KIAA1143: variants seen among roughly 807,000 people sequenced by gnomAD.
KIAA1143 encodes the protein uncharacterized protein KIAA1143.
Under a neutral mutation model 17.0 loss-of-function variants are expected in KIAA1143, and 8 were observed. That is an observed-to-expected ratio of 0.47 (90% confidence interval 0.28 to 0.85). KIAA1143 has a LOEUF of 0.85. Among genes scored for constraint, KIAA1143 ranks in the 40% least tolerant of loss-of-function variants. KIAA1143 has a pLI of 0.12. For missense variants in KIAA1143, 162 were observed against 183.3 expected (o/e 0.88, Z 0.67); for synonymous variants, 64 against 67.8 (o/e 0.94, Z 0.27).
In KIAA1143 at chr3:44,754,318, T is replaced by C. The variant is rs1384099034; in HGVS notation, c.159A>G (p.Glu53=). The C allele has an allele frequency of 6.2e-7, 1 of 1,613,946 alleles. No individual in the cohort carries two copies. Among genetic ancestry groups the C allele is most frequent in the South Asian group, 1.1e-5 (1 of 91,086 alleles). Residue 53 remains glutamate (E), a synonymous_variant, in exon 2 of 3, where the codon GAA becomes GAG. Coordinates refer to ENST00000296121, the MANE Select transcript of KIAA1143 (RefSeq NM_020696.4). ...AAACCACCACTTGAGGCTGTTCATC[T>C]TCTTTGTCACTGTGATCCCCATCTT... is the stretch of plus-strand genomic sequence containing the variant. The part of the protein sequence containing the change: ...PDEDGDHSDK[E]DEQPQVVVLK...
Position 44,751,726 on chromosome 3 carries a change from C to G in KIAA1143, c.*1615G>C, listed in dbSNP as rs1257072175. 1 of 152,162 alleles carries G rather than the reference C, an allele frequency of 6.6e-6. No individual in the cohort carries two copies. The highest frequency in any genetic ancestry group is 1.9e-4 in the East Asian group (1 of 5,192). 9.4% of individuals were successfully genotyped at this position (152,162 alleles called of 1,614,324 possible). A position where few individuals can be genotyped will look rare whatever the true frequency, so the allele number is the denominator to read the frequency against. Reference sequence around the variant, plus strand: ...GGTTTTTGGACCATATCTGTTAAATCTTTTAACCAAATCCATTTCCTTTTG... The same window carrying G: ...GGTTTTTGGACCATATCTGTTAAATGTTTTAACCAAATCCATTTCCTTTTG... On this transcript the variant is annotated 3_prime_UTR_variant, in exon 3 of 3. Transcript: ENST00000296121.
intron 1 of KIAA1143, among the ~76,000 whole-genome samples, chr3:44,758,222 T>C (rs1268530233): frequency 6.6e-6 from 1 of 152,216 alleles, no homozygotes; most frequent in Non-Finnish European, 1.5e-5. Context: ...GGATGTTGAC[T>C]GATGAGGGTG....
In KIAA1143 at chr3:44,761,580, G is replaced by A. The variant is rs1010677460; in HGVS notation, c.23C>T (p.Ser8Leu). 1.9e-6 allele frequency: 3 copies of A among 1,612,814 alleles called. No homozygotes were observed. Among genetic ancestry groups the A allele is most frequent in the Non-Finnish European group, 2.5e-6 (3 of 1,179,902 alleles). ...CGCCGGCTCGGCTGGCCGCACGTAC[G>A]ATACCTGGTTCCGCTTGCTCATGGT... MSKRNQVSYVRPAEPAFL... is the reference protein window; with the variant it reads MSKRNQVLYVRPAEPAFL... The change falls in exon 1 of 3, where the codon TCG becomes TTG. Residue 8 changes from serine to leucine, a missense_variant. This residue lies in a region of KIAA1143 where 137 missense variants were observed against 132.5 expected (regional missense o/e 1.03). Coordinates refer to ENST00000296121, the MANE Select transcript of KIAA1143 (RefSeq NM_020696.4).
At position 44,754,380 on chromosome 3, in the gene KIAA1143, CACAAAT is replaced by C; in HGVS notation, c.109-18_109-13del. 1.2e-6 allele frequency: 2 copies of C among 1,613,094 alleles called. No individual in the cohort carries two copies. The highest frequency in any genetic ancestry group is 1.7e-6 in the Non-Finnish European group (2 of 1,179,286). On this transcript the variant is annotated splice_polypyrimidine_tract_variant and intron_variant, in intron 1 of 2. Coordinates refer to ENST00000296121, the MANE Select transcript of KIAA1143 (RefSeq NM_020696.4). Reference sequence around the variant, plus strand: ...TGAGGCTGAATTCTCTAGGGAAAAACACAAATACAATGTGTAGATCACTGATCTTGA... The same window carrying C: ...TGAGGCTGAATTCTCTAGGGAAAAACACAATGTGTAGATCACTGATCTTGA...
rs1231704060 is a variant in KIAA1143, at chr3:44,748,763, T to C, written c.*4578A>G. 2 of 152,246 alleles carry C rather than the reference T, an allele frequency of 1.3e-5. No homozygotes were observed. Among genetic ancestry groups the C allele is most frequent in the Non-Finnish European group, 2.9e-5 (2 of 68,042 alleles). 9.4% of individuals were successfully genotyped at this position (152,246 alleles called of 1,614,324 possible). ...CTCTCATTCATTTTAACTATGTTTA[T>C]TGTGCACTTAGTAGGCCAGATACTC... On this transcript the variant is annotated 3_prime_UTR_variant, in exon 3 of 3. Transcript: ENST00000296121.
chr3:44,756,802 A>G (rs1051447621), intron 1 of KIAA1143, among the ~76,000 whole-genome samples: 2 of 152,208 alleles, frequency 1.3e-5, no homozygotes, highest in Non-Finnish European at 2.9e-5. Context: ...CACAACTTTT[A>G]CTAGAGTATA....
chr3:44,759,435 C>G lies in KIAA1143; in HGVS notation c.108+2060G>C, dbSNP rs113803697. Among the ~76,000 whole-genome samples the G allele has an allele frequency of 5.3e-5, 8 of 152,200 alleles. 1 individual carries two copies. The highest frequency in any genetic ancestry group is 1.9e-4 in the African/African-American group (8 of 41,540). Reference sequence around the variant, plus strand: ...TGCTGTCATCAAGGTTTTGTTTTTCCATTTCTAGAGCACAGGCAGAGTAGA... The same window carrying G: ...TGCTGTCATCAAGGTTTTGTTTTTCGATTTCTAGAGCACAGGCAGAGTAGA... On this transcript the variant is annotated intron_variant, in intron 1 of 2. Coordinates refer to ENST00000296121, the MANE Select transcript of KIAA1143 (RefSeq NM_020696.4).
Position 44,759,439 on chromosome 3 carries a change from T to C in KIAA1143, c.108+2056A>G, listed in dbSNP as rs560932586. On this transcript the variant is annotated intron_variant, in intron 1 of 2. Coordinates refer to ENST00000296121, the MANE Select transcript of KIAA1143 (RefSeq NM_020696.4). ...GTCATCAAGGTTTTGTTTTTCCATTTCTAGAGCACAGGCAGAGTAGATTTA... is the reference window on the plus strand; with the variant it reads ...GTCATCAAGGTTTTGTTTTTCCATTCCTAGAGCACAGGCAGAGTAGATTTA... Among the ~76,000 whole-genome samples the C allele has an allele frequency of 2.0e-3, 299 of 152,338 alleles. 2 individuals are homozygous for C. The highest frequency in any genetic ancestry group is 0.017 in the Middle Eastern group (5 of 294).
chr3:44,754,143 C>T (rs1704931505), intron 2 of KIAA1143, 81 bp downstream of exon 2: 9 of 1,449,534 alleles, frequency 6.2e-6, no homozygotes, highest in Middle Eastern at 2.5e-4. Context: ...TTGAAACACA[C>T]CACACTACTA....
At chr3:44,761,384 G>C in intron 1 of KIAA1143, 111 bp downstream of exon 1, 2 of 774,724 alleles carry the variant, frequency 2.6e-6, no homozygotes, top group Non-Finnish European at 4.2e-6. Context: ...AATTGGGTTC[G>C]AGCGCGGGTG....
At chr3:44,755,358 G>C (rs1286209253) in intron 1 of KIAA1143, among the ~76,000 whole-genome samples, 1 of 152,020 alleles carries the variant, frequency 6.6e-6, no homozygotes, top group Non-Finnish European at 1.5e-5. Context: ...TGGGTTGAAA[G>C]GTATGCATAC....
Position 44,751,311 on chromosome 3 carries a change from A to G in KIAA1143, c.*2030T>C, listed in dbSNP as rs1334583391. On this transcript the variant is annotated 3_prime_UTR_variant, in exon 3 of 3. Coordinates refer to ENST00000296121, the MANE Select transcript of KIAA1143 (RefSeq NM_020696.4). ...CAACCACCAGACACAACGGCTAGGA[A>G]TAACAGCAGAGGTAGGAATGGGAGT... 1.3e-5 allele frequency: 2 copies of G among 152,208 alleles called. No individual in the cohort carries two copies. Among genetic ancestry groups the G allele is most frequent in the Non-Finnish European group, 2.9e-5 (2 of 68,050 alleles). 9.4% of individuals were successfully genotyped at this position (152,208 alleles called of 1,614,324 possible). A position where few individuals can be genotyped will look rare whatever the true frequency, so the allele number is the denominator to read the frequency against.
chr3:44,758,280 C>T (rs756938589), intron 1 of KIAA1143, among the ~76,000 whole-genome samples: 1 of 152,070 alleles, frequency 6.6e-6, no homozygotes, highest in Non-Finnish European at 1.5e-5. Flanking sequence ...AAAAATAAGA[C>T]GATGAAGTTT....
intron 1 of KIAA1143, among the ~76,000 whole-genome samples, chr3:44,758,231 T>TGGTTGCTCATCAGTTGCTGAAA: frequency 6.6e-6 from 1 of 152,222 alleles, no homozygotes; most frequent in South Asian, 2.1e-4. Flanking sequence ...CTGATGAGGG[T>TGGTTGCTCATCAGTTGCTGAAA]GGTGGTTGCT....
Position 44,751,680 on chromosome 3 carries a change from A to G in KIAA1143, c.*1661T>C, listed in dbSNP as rs1189200394. The G allele has an allele frequency of 6.6e-6, 1 of 152,150 alleles. No individual in the cohort carries two copies. Among genetic ancestry groups the G allele is most frequent in the Non-Finnish European group, 1.5e-5 (1 of 68,024 alleles). The allele number at this position is 152,150 out of a possible 1,614,324, so 9.4% of individuals were successfully genotyped here. A position where few individuals can be genotyped will look rare whatever the true frequency, so the allele number is the denominator to read the frequency against. On this transcript the variant is annotated 3_prime_UTR_variant, in exon 3 of 3. Coordinates refer to ENST00000296121, the MANE Select transcript of KIAA1143 (RefSeq NM_020696.4). ...GGCTCCCTCCCTTGGCCAGCCCATT[A>G]TTAATGATTATATTTGCCTTGGTTT...
chr3:44,759,861 C>T (rs550507881), intron 1 of KIAA1143, among the ~76,000 whole-genome samples: 63 of 132,110 alleles, frequency 4.8e-4, no homozygotes, highest in African/African-American at 1.5e-3. Context: ...CACCACTGCA[C>T]TCTAGCCTGG....
In KIAA1143 at chr3:44,754,353, G is replaced by A. The variant is rs1408636775; in HGVS notation, c.124C>T (p.Pro42Ser). The change falls in exon 2 of 3, where the codon CCC (proline) becomes TCC (serine). Residue 42 changes from proline to serine, a missense_variant. By Grantham distance (74) the Pro-to-Ser change is moderately conservative. Coordinates refer to ENST00000296121, the MANE Select transcript of KIAA1143 (RefSeq NM_020696.4). Reference protein sequence around the residue: ...TVETKRIQPQPPDEDGDHSDK... With the variant: ...TVETKRIQPQSPDEDGDHSDK... ...CTGTGATCCCCATCTTCATCTGGGG[G>A]CTGAGGCTGAATTCTCTAGGGAAAA... is the stretch of plus-strand genomic sequence containing the variant. 2 of 1,613,874 alleles carry A rather than the reference G, an allele frequency of 1.2e-6. No individual in the cohort carries two copies. The highest frequency in any genetic ancestry group is 1.1e-5 in the South Asian group (1 of 91,062).
rs1704907988 is a variant in KIAA1143 at position 44,752,750 on chromosome 3, C to T, written c.*591G>A. 1 of 152,482 alleles carries T rather than the reference C, an allele frequency of 6.6e-6. No individual in the cohort carries two copies. Among genetic ancestry groups the T allele is most frequent in the South Asian group, 2.1e-4 (1 of 4,836 alleles). 9.4% of individuals were successfully genotyped at this position (152,482 alleles called of 1,614,324 possible). A position where few individuals can be genotyped will look rare whatever the true frequency, so the allele number is the denominator to read the frequency against. On this transcript the variant is annotated 3_prime_UTR_variant, in exon 3 of 3. Transcript: ENST00000296121. ...AAGGCTCATGTTTGCCAAGTCTGTCCTTTTGTAACAAAAAACCCAGCAGCT... is the reference window on the plus strand; with the variant it reads ...AAGGCTCATGTTTGCCAAGTCTGTCTTTTTGTAACAAAAAACCCAGCAGCT...
Position 44,761,475 on chromosome 3 carries a change from C to A in KIAA1143, c.108+20G>T. 1.3e-6 allele frequency: 2 copies of A among 1,587,520 alleles called. No individual in the cohort carries two copies. Among genetic ancestry groups the A allele is most frequent in the South Asian group, 1.1e-5 (1 of 89,510 alleles). ...CGGGCTGGCTGCGCTTCCGAAGAAA[C>A]ACGACTGGCGAAGGCTCACCTTAGT... is the stretch of plus-strand genomic sequence containing the variant. On this transcript the variant is annotated intron_variant, in intron 1 of 2. Coordinates refer to ENST00000296121, the MANE Select transcript of KIAA1143 (RefSeq NM_020696.4).
Sources: gnomAD v4.1 joint callset for allele counts (sites outside exome capture counted in the v4.1 genomes callset) on GRCh38, gnomAD v4.1.1 for gene constraint, gnomAD v4.1.1 regional missense constraint, MANE v1.5 for transcripts, NCBI Gene and HGNC (gene_info 2026-07-23, HGNC 2026-07-21) for gene names.